Variants in CACNA2D3 observed in about 807,000 individuals in gnomAD.
CACNA2D3 encodes calcium voltage-gated channel auxiliary subunit alpha2delta 3, also known as voltage-dependent calcium channel subunit alpha-2/delta-3.
A neutral mutation model predicts 160.6 loss-of-function variants in CACNA2D3; 60 were observed. That is an observed-to-expected ratio of 0.37 (90% CI 0.30 to 0.46). CACNA2D3 has a LOEUF of 0.46. Among genes scored for constraint, CACNA2D3 ranks in the 20% least tolerant of loss-of-function variants. The probability of loss-of-function intolerance (pLI) is 1.00; values close to 1 mark genes in which losing one functional copy is unlikely to be tolerated. For synonymous variants in CACNA2D3, 558 were observed against 492.9 expected (o/e 1.13, Z -1.75); for missense variants, 1,205 against 1,365.0 (o/e 0.88, Z 1.85).
At chr3:54,781,537 C>G (rs374954386) in intron 13 of CACNA2D3, among the ~76,000 whole-genome samples, 3 of 152,320 alleles carry the variant, frequency 2.0e-5, no homozygotes, top group African/African-American at 4.8e-5. Context: ...CAAAAGACAT[C>G]TACTGAGCTA....
At chr3:54,326,716 G>A (rs1249374155) in intron 3 of CACNA2D3, among the ~76,000 whole-genome samples, 1 of 152,286 alleles carries the variant, frequency 6.6e-6, no homozygotes, top group Non-Finnish European at 1.5e-5. Context: ...ACAGTGCCAG[G>A]ATCACTTTAA....
intron 27 of CACNA2D3, among the ~76,000 whole-genome samples, chr3:54,932,554 A>G (rs1701215517): frequency 6.6e-6 from 1 of 152,242 alleles, no homozygotes; most frequent in South Asian, 2.1e-4. Context: ...GAGATGTCTT[A>G]TCTTCTAGTG....
At chr3:54,383,698 A>G (rs1431253302) in intron 3 of CACNA2D3, among the ~76,000 whole-genome samples, 3 of 152,156 alleles carry the variant, frequency 2.0e-5, no homozygotes, top group African/African-American at 7.2e-5. Flanking sequence ...GTTCCCTATT[A>G]GAAAAAAAAA....
rs149306281 is a variant in CACNA2D3 at position 54,340,746 on chromosome 3, C to T, written c.321+20188C>T. Among the ~76,000 whole-genome samples the T allele has an allele frequency of 1.8e-3, 268 of 152,266 alleles. 1 individual carries two copies. The highest frequency in any genetic ancestry group is 6.1e-3 in the African/African-American group (253 of 41,572). ...AGATCCTGTCCATTTTTTCCCCTTT[C>T]TGTACAGCATCCACTATTCTACTTC... On this transcript the variant is annotated intron_variant, in intron 3 of 37. Coordinates refer to ENST00000474759, the MANE Select transcript of CACNA2D3 (RefSeq NM_018398.3).
intron 27 of CACNA2D3, among the ~76,000 whole-genome samples, chr3:54,905,038 T>C (rs1249183648): frequency 6.6e-6 from 1 of 152,238 alleles, no homozygotes; most frequent in Non-Finnish European, 1.5e-5. Context: ...CATCAGCAGA[T>C]AAAAAGGAGT....
intron 35 of CACNA2D3, among the ~76,000 whole-genome samples, chr3:55,043,599 A>G (rs996116466): frequency 1.3e-5 from 2 of 151,974 alleles, no homozygotes; most frequent in African/African-American, 2.4e-5. Context: ...TTGTCTTTTC[A>G]TTGTCTTAAT....
At chr3:54,986,189 G>C (rs1381510801) in intron 30 of CACNA2D3, among the ~76,000 whole-genome samples, 2 of 152,090 alleles carry the variant, frequency 1.3e-5, no homozygotes, top group Non-Finnish European at 2.9e-5. Context: ...TGTCTTCCGG[G>C]GGTGAGTCCT....
chr3:54,483,189 A>C (rs1700960997), intron 4 of CACNA2D3, among the ~76,000 whole-genome samples: 2 of 152,164 alleles, frequency 1.3e-5, no homozygotes, highest in Non-Finnish European at 2.9e-5. Context: ...TTTTTGCATA[A>C]ATTTGCACTT....
chr3:54,997,291 A>T (rs545511826), intron 31 of CACNA2D3, among the ~76,000 whole-genome samples: 1 of 152,326 alleles, frequency 6.6e-6, no homozygotes, highest in African/African-American at 2.4e-5. Context: ...TCTAAAATTC[A>T]TGGCTGTCAA....
intron 35 of CACNA2D3, among the ~76,000 whole-genome samples, chr3:55,031,265 T>C (rs541645981): frequency 2.6e-4 from 40 of 152,034 alleles, no homozygotes; most frequent in Non-Finnish European, 3.8e-4. Flanking sequence ...CAGTCTGTGT[T>C]CCCCCCTTGC....
chr3:54,614,826 A>G (rs1445396893), intron 9 of CACNA2D3, among the ~76,000 whole-genome samples: 1 of 152,158 alleles, frequency 6.6e-6, no homozygotes, highest in Non-Finnish European at 1.5e-5. Context: ...CTGGCCAAAG[A>G]TGGGATAAAT....
intron 35 of CACNA2D3, among the ~76,000 whole-genome samples, chr3:55,045,006 G>A (rs372121166): frequency 3.3e-5 from 5 of 152,170 alleles, no homozygotes; most frequent in African/African-American, 9.6e-5. Context: ...CTAATATTAT[G>A]TTGTGGCTTT....
chr3:54,558,023 G>C (rs959074722), intron 5 of CACNA2D3, among the ~76,000 whole-genome samples: 3 of 152,232 alleles, frequency 2.0e-5, no homozygotes, highest in Non-Finnish European at 2.9e-5. Context: ...GAGCTGTGTA[G>C]GTGGATGTCC....
chr3:54,533,259 A>G (rs1701832838), intron 5 of CACNA2D3, among the ~76,000 whole-genome samples: 2 of 149,938 alleles, frequency 1.3e-5, no homozygotes, highest in Admixed American at 6.6e-5. Flanking sequence ...ACTTTCTTGC[A>G]TTGTTCTGAG....
intron 4 of CACNA2D3, among the ~76,000 whole-genome samples, chr3:54,400,607 C>G (rs1298283444): frequency 6.6e-6 from 1 of 152,204 alleles, no homozygotes; most frequent in African/African-American, 2.4e-5. Context: ...ACAGCCTAGT[C>G]TACCAGACAC....
chr3:54,753,692 G>A (rs928312936), intron 12 of CACNA2D3, among the ~76,000 whole-genome samples: 3 of 152,116 alleles, frequency 2.0e-5, no homozygotes, highest in African/African-American at 7.2e-5. Context: ...TTGCCTCAAT[G>A]TTCTAATACT....
intron 2 of CACNA2D3, among the ~76,000 whole-genome samples, chr3:54,189,072 G>A (rs1195057544): frequency 6.6e-6 from 1 of 152,194 alleles, no homozygotes; most frequent in Admixed American, 6.5e-5. Context: ...ACAAGCATGA[G>A]CTAAAGTAAC....
intron 2 of CACNA2D3, among the ~76,000 whole-genome samples, chr3:54,182,634 G>A (rs542889466): frequency 7.2e-5 from 11 of 152,326 alleles, no homozygotes; most frequent in African/African-American, 1.7e-4. Flanking sequence ...GAGTGACTAT[G>A]TTAGATAACT....
rs891256164 is a variant in CACNA2D3, at chr3:54,735,407, C to T, written c.1168-17192C>T. On this transcript the variant is annotated intron_variant, in intron 11 of 37. Coordinates refer to ENST00000474759, the MANE Select transcript of CACNA2D3 (RefSeq NM_018398.3). ...TCAGAAGTTTTCCAAAGGGGTGAAG[C>T]GTGAAATGCAATGAAGGTTGAAGTC... Among the ~76,000 whole-genome samples the T allele has an allele frequency of 6.6e-5, 10 of 152,146 alleles. 1 individual carries two copies. Among genetic ancestry groups the T allele is most frequent in the Admixed American group, 4.6e-4 (7 of 15,276 alleles).
Sources: allele counts gnomAD v4.1 joint callset (sites outside exome capture counted in the v4.1 genomes callset), GRCh38; gene constraint gnomAD v4.1.1; transcripts MANE v1.5; gene names NCBI Gene and HGNC (gene_info 2026-07-23, HGNC 2026-07-21).